The following ARHGEF25 variants were observed in gnomAD, a reference collection of about 807,000 sequenced individuals.
ARHGEF25 encodes Rho guanine nucleotide exchange factor 25, also known as RAC/CDC42 exchange factor.
A neutral mutation model predicts 74.0 loss-of-function variants in ARHGEF25; 42 were observed. The observed-to-expected ratio is 0.57, with a 90% confidence interval of 0.44 to 0.73. The LOEUF (loss-of-function observed/expected upper bound fraction) is 0.73, where lower values mean the gene tolerates loss of function less well. Ranked by LOEUF, ARHGEF25 falls within the 30% of genes least tolerant of loss-of-function variation. ARHGEF25 has a pLI of 0.00. For missense variants in ARHGEF25, 645 were observed against 725.5 expected, an observed-to-expected ratio of 0.89 and a Z score of 1.27; for synonymous variants, 293 against 278.6, an observed-to-expected ratio of 1.05 and a Z score of -0.51.
chr12:57,610,257 G>T (rs1292422819), upstream of ARHGEF25: 6 of 1,593,944 alleles, frequency 3.8e-6, no homozygotes, highest in Non-Finnish European at 5.1e-6. Flanking sequence ...CGCACTGACC[G>T]GATACTGGGG....
Position 57,614,632 on chromosome 12 carries a change from A to T in ARHGEF25, c.816+27A>T. The T allele has an allele frequency of 1.2e-6, 2 of 1,613,944 alleles. No homozygotes were observed. The highest frequency in any genetic ancestry group is 1.7e-6 in the Non-Finnish European group (2 of 1,179,952). On this transcript the variant is annotated intron_variant, in intron 8 of 14. Transcript: ENST00000286494. The surrounding 1 kb of genome is among the most constrained non-coding windows in gnomAD (Gnocchi z 4.6). ...TCAGTAGCTGAGATGTCTTGGTGGG[A>T]AGGAGGACAGAACTGGGGCTTTCCA...
rs776166768 is a variant in ARHGEF25, at chr12:57,613,983, C to T, written c.553-33C>T. 1.1e-5 allele frequency: 18 copies of T among 1,599,178 alleles called. No homozygotes were observed. In the South Asian group the frequency reaches 1.2e-4, roughly 11 times the overall value. ...CATTAAGGTGGGGAGAGGGCCACCA[C>T]ATGCTCATGACCCAACCTCAACTTT... is the stretch of plus-strand genomic sequence containing the variant. On this transcript the variant is annotated intron_variant, in intron 5 of 14. Coordinates refer to ENST00000286494, the MANE Select transcript of ARHGEF25 (RefSeq NM_182947.4).
chr12:57,616,236 A>G, intron 13 of ARHGEF25, 48 bp from the exon 14 acceptor site: 1 of 1,564,066 alleles, frequency 6.4e-7, no homozygotes, highest in Non-Finnish European at 8.7e-7. Context: ...CCTAGGGAGC[A>G]GACCTGTCTC....
intron 4 of ARHGEF25, 33 bp from the exon 5 acceptor site, chr12:57,613,661 T>C (rs778638326): frequency 4.3e-5 from 69 of 1,613,158 alleles, no homozygotes; most frequent in Non-Finnish European, 5.5e-5. Context: ...GCTCCGACGC[T>C]GAAGTGGGGG....
In ARHGEF25 at chr12:57,615,946, AC is replaced by A. The variant is rs1163543238; in HGVS notation, c.1352del (p.Pro451LeufsTer133). ...CAGCGCTATGTCCTGCAGGCTGCAGACCCTGCTATCAGTCAGGCCTGGATCA... is the reference window on the plus strand; with the variant it reads ...CAGCGCTATGTCCTGCAGGCTGCAGACCTGCTATCAGTCAGGCCTGGATCA... ...GIQRYVLQAADPAISQAWIKH... is the reference protein window; with the variant it reads ...GIQRYVLQAAXPAISQAWIKH... On this transcript the variant is annotated frameshift_variant, in exon 13 of 15. Transcript: ENST00000286494. LOFTEE classifies it high-confidence loss of function. 6.2e-7 allele frequency: 1 copy of A among 1,614,030 alleles called. No homozygotes were observed. The highest frequency in any genetic ancestry group is 1.7e-5 in the Admixed American group (1 of 60,004).
At chr12:57,610,172 A>G (rs1465616197), upstream of ARHGEF25, 60 of 1,189,018 alleles carry the variant, frequency 5.0e-5, no homozygotes, top group Non-Finnish European at 7.1e-5. Flanking sequence ...CCCCAGCTTC[A>G]GTGCCCCCTC....
intron 14 of ARHGEF25, 84 bp from the exon 15 acceptor site, chr12:57,616,700 T>G (rs1884308549): frequency 9.1e-7 from 1 of 1,096,276 alleles, no homozygotes; most frequent in Admixed American, 2.1e-5. Flanking sequence ...AGGAGGTGGC[T>G]TGGCTAGGGA....
At chr12:57,610,564 C>T (rs1223842135), upstream of ARHGEF25, 17 of 1,606,202 alleles carry the variant, frequency 1.1e-5, no homozygotes, top group South Asian at 6.7e-5. Context: ...GGTTCTGTCC[C>T]CGCAGCCCCC....
Position 57,616,733 on chromosome 12 carries a change from G to A in ARHGEF25, c.1633-51G>A, listed in dbSNP as rs1184570137. Reference sequence around the variant, plus strand: ...GGACTTAAACTGAAAAGAGAGAAGTGAGGGTAGATTTCTGGCCTTTTTGAT... The same window carrying A: ...GGACTTAAACTGAAAAGAGAGAAGTAAGGGTAGATTTCTGGCCTTTTTGAT... On this transcript the variant is annotated intron_variant, in intron 14 of 14. Transcript: ENST00000286494. 4 of 1,315,572 alleles carry A rather than the reference G, an allele frequency of 3.0e-6. No individual in the cohort carries two copies. The South Asian group carries it at 3.8e-5, about 12-fold the overall frequency. The allele number at this position is 1,315,572 out of a possible 1,614,324, so 81.5% of individuals were successfully genotyped here.
rs765450227 is a variant in ARHGEF25 at position 57,616,281 on chromosome 12, C to T, written c.1421-3C>T. 3.1e-6 allele frequency: 5 copies of T among 1,609,218 alleles called. No homozygotes were observed. The Admixed American group carries it at 5.0e-5, about 16-fold the overall frequency. ...CCTCCTTCTGTTCCTCTCTTTGCTC[C>T]AGCATTGCAGTCACCCATTGAGTAC... On this transcript the variant is annotated splice_polypyrimidine_tract_variant and splice_region_variant and intron_variant, in intron 13 of 14. Coordinates refer to ENST00000286494, the MANE Select transcript of ARHGEF25 (RefSeq NM_182947.4).
Position 57,614,867 on chromosome 12 carries a change from A to G in ARHGEF25, c.909+86A>G. ...TCCCCAGGGTTCTTAGGGCTCCCCCAGACTTCCTGAGGGCCCTCACTGGTG... is the reference window on the plus strand; with the variant it reads ...TCCCCAGGGTTCTTAGGGCTCCCCCGGACTTCCTGAGGGCCCTCACTGGTG... On this transcript the variant is annotated intron_variant, in intron 9 of 14. Coordinates refer to ENST00000286494, the MANE Select transcript of ARHGEF25 (RefSeq NM_182947.4). This position sits in a 1 kb window ranked among gnomAD's most constrained non-coding sequence, Gnocchi z 4.6. 1.3e-6 allele frequency: 2 copies of G among 1,574,360 alleles called. No homozygotes were observed. Among genetic ancestry groups the G allele is most frequent in the Non-Finnish European group, 1.7e-6 (2 of 1,154,820 alleles).
chr12:57,610,513 G>A (rs1021215696), upstream of ARHGEF25: 6 of 1,428,554 alleles, frequency 4.2e-6, no homozygotes, highest in Admixed American at 8.7e-5. Flanking sequence ...GAAGGGGAAG[G>A]GGGAGGTCAG....
At chr12:57,615,472 T>C in intron 11 of ARHGEF25, 40 bp from the exon 12 acceptor site, 2 of 1,612,806 alleles carry the variant, frequency 1.2e-6, no homozygotes, top group Non-Finnish European at 1.7e-6. Context: ...TTGTCCTTTT[T>C]CTTGTTCTTT....
chr12:57,611,785 C>A lies in ARHGEF25; in HGVS notation c.-110C>A. 8.8e-7 allele frequency: 1 copy of A among 1,131,324 alleles called. No individual in the cohort carries two copies. The highest frequency in any genetic ancestry group is 1.1e-6 in the Non-Finnish European group (1 of 902,252). 70.1% of individuals were successfully genotyped at this position (1,131,324 alleles called of 1,614,324 possible). On this transcript the variant is annotated 5_prime_UTR_variant, in exon 1 of 15. Coordinates refer to ENST00000286494, the MANE Select transcript of ARHGEF25 (RefSeq NM_182947.4). The surrounding 1 kb of genome is among the most constrained non-coding windows in gnomAD (Gnocchi z 4.5). Reference sequence around the variant, plus strand: ...CCCTCCCCCCCTCCCACAGCCTGGACCGGGGTAGGAGGGAGGGGGGGTGTG... The same window carrying A: ...CCCTCCCCCCCTCCCACAGCCTGGAACGGGGTAGGAGGGAGGGGGGGTGTG...
Position 57,613,615 on chromosome 12 carries a change from A to G in ARHGEF25, c.486-79A>G, listed in dbSNP as rs1445790910. The G allele has an allele frequency of 3.1e-6, 5 of 1,610,376 alleles. No homozygotes were observed. The Admixed American group carries it at 8.4e-5, about 27-fold the overall frequency. ...CCTCCAAGGTTGGCTATGATGATAA[A>G]GGGGAGGAGGGAGGAACGGGCTGAA... On this transcript the variant is annotated intron_variant, in intron 4 of 14. Coordinates refer to ENST00000286494, the MANE Select transcript of ARHGEF25 (RefSeq NM_182947.4).
intron 14 of ARHGEF25, 85 bp downstream of exon 14, chr12:57,616,580 C>A (rs1169205163): frequency 5.4e-6 from 7 of 1,292,286 alleles, no homozygotes; most frequent in Admixed American, 2.2e-5. Context: ...CTCCCCATAT[C>A]ATTCCTTCCT....
chr12:57,616,612 C>A, intron 14 of ARHGEF25, 117 bp downstream of exon 14: 1 of 1,073,924 alleles, frequency 9.3e-7, no homozygotes, highest in Non-Finnish European at 1.4e-6. Context: ...CTTCCTACTT[C>A]CCATCCCTTA....
Position 57,615,270 on chromosome 12 carries a change from C to T in ARHGEF25, c.994C>T (p.Arg332Cys), listed in dbSNP as rs755574255. Reference sequence around the variant, plus strand: ...GGAGGTCATGTGCTTTGTGCCCAAGCGCTGCAACGATATGATGACGCTGGG... The same window carrying T: ...GGAGGTCATGTGCTTTGTGCCCAAGTGCTGCAACGATATGATGACGCTGGG... Reference protein sequence around the residue: ...AVEVMCFVPKRCNDMMTLGRL... With the variant: ...AVEVMCFVPKCCNDMMTLGRL... The change falls in exon 11 of 15, where the codon CGC becomes TGC. Residue 332 changes from arginine (R) to cysteine (C), a missense_variant. Arg to Cys is a radical substitution (Grantham distance 180). Coordinates refer to ENST00000286494, the MANE Select transcript of ARHGEF25 (RefSeq NM_182947.4). 18 of 1,608,660 alleles carry T rather than the reference C, an allele frequency of 1.1e-5. No individual in the cohort carries two copies. The highest frequency in any genetic ancestry group is 2.2e-5 in the East Asian group (1 of 44,794).
intron 13 of ARHGEF25, 125 bp from the exon 14 acceptor site, chr12:57,616,159 C>T: frequency 1.4e-6 from 2 of 1,451,020 alleles, no homozygotes; most frequent in South Asian, 1.3e-5. Flanking sequence ...GATAGAATCC[C>T]CTAAAGCCCT....
Sources: allele counts gnomAD v4.1 joint callset, GRCh38; gene constraint gnomAD v4.1.1; non-coding constraint Gnocchi (gnomAD v3.1); transcripts MANE v1.5; gene names NCBI Gene and HGNC (gene_info 2026-07-23, HGNC 2026-07-21).